RARB: variants seen among roughly 807,000 people sequenced by gnomAD.
The protein encoded by RARB is HBV-activated protein.
Under a neutral mutation model 51.9 loss-of-function variants are expected in RARB, and 17 were observed. That is an observed-to-expected ratio of 0.33 (90% CI 0.22 to 0.49). The LOEUF is 0.49. RARB is among the 20% of genes least tolerant of loss of function. The probability of loss-of-function intolerance (pLI) is 0.99; values close to 1 mark genes in which losing one functional copy is unlikely to be tolerated. For missense variants in RARB, 369 were observed against 550.8 expected (o/e 0.67, Z 3.30); for synonymous variants, 215 against 195.4 (o/e 1.10, Z -0.84).
At chr3:24,870,930 G>A (rs561211681) in intron 2 of RARB, among the ~76,000 whole-genome samples, 15 of 151,896 alleles carry the variant, frequency 9.9e-5, no homozygotes, top group Admixed American at 2.0e-4. Context: ...TATACAGTAC[G>A]TTATTGTTGA....
In RARB at chr3:25,597,551, T is replaced by C. The variant is rs1701902051; in HGVS notation, c.*935T>C. The C allele has an allele frequency of 6.6e-6, 1 of 152,636 alleles. No individual in the cohort carries two copies. Among genetic ancestry groups the C allele is most frequent in the African/African-American group, 2.4e-5 (1 of 41,434 alleles). The allele number at this position is 152,636 out of a possible 1,614,324, so 9.5% of individuals were successfully genotyped here. On this transcript the variant is annotated 3_prime_UTR_variant, in exon 8 of 8. Transcript: ENST00000330688. ...GCAGGCTGGTCTACCACCTGGACCA[T>C]GTAACTCTAGTGTCCTTCCTGATTC...
intron 2 of RARB, among the ~76,000 whole-genome samples, chr3:24,985,900 G>A (rs924088923): frequency 1.8e-4 from 28 of 152,302 alleles, no homozygotes; most frequent in African/African-American, 6.5e-4. Context: ...CGAACAGAAA[G>A]GACAGGACAG....
intron 5 of RARB, among the ~76,000 whole-genome samples, chr3:25,382,856 T>G (rs1706670846): frequency 6.6e-6 from 1 of 151,320 alleles, no homozygotes; most frequent in Non-Finnish European, 1.5e-5. Flanking sequence ...AGACTCCATC[T>G]CAAACAAATA....
intron 4 of RARB, among the ~76,000 whole-genome samples, chr3:25,134,290 G>C (rs80141288): frequency 0.087 from 13,277 of 151,938 alleles, 744 homozygotes; most frequent in Non-Finnish European, 0.13. Flanking sequence ...CAAAAATTCA[G>C]AAGTTCTTAA....
intron 3 of RARB, among the ~76,000 whole-genome samples, chr3:25,074,671 A>G (rs1698835018): frequency 6.6e-6 from 1 of 152,142 alleles, no homozygotes; most frequent in Non-Finnish European, 1.5e-5. Context: ...GAAGAGATGT[A>G]TATCAAAGAC....
At chr3:25,127,475 C>T (rs1008308830) in intron 3 of RARB, among the ~76,000 whole-genome samples, 13 of 152,176 alleles carry the variant, frequency 8.5e-5, no homozygotes, top group Non-Finnish European at 1.5e-4. Flanking sequence ...CCCAATTTTT[C>T]CGTATTTCAT....
At chr3:25,525,127 A>T (rs1698591253) in intron 3 of RARB, among the ~76,000 whole-genome samples, 1 of 152,252 alleles carries the variant, frequency 6.6e-6, no homozygotes, top group South Asian at 2.1e-4. Context: ...ATAACATTAT[A>T]AAGTGTTCTG....
At chr3:25,405,032 A>G (rs1707369292) in intron 5 of RARB, among the ~76,000 whole-genome samples, 1 of 152,132 alleles carries the variant, frequency 6.6e-6, no homozygotes, top group East Asian at 1.9e-4. Context: ...CACCAGGCTA[A>G]CTATAGATCT....
At chr3:25,188,000 C>G (rs930782626) in intron 5 of RARB, among the ~76,000 whole-genome samples, 1 of 151,674 alleles carries the variant, frequency 6.6e-6, no homozygotes, top group African/African-American at 2.4e-5. Context: ...TTTAAAATGT[C>G]GATGGAGAAA....
At chr3:25,320,005 G>T (rs1411009246) in intron 5 of RARB, among the ~76,000 whole-genome samples, 1 of 148,216 alleles carries the variant, frequency 6.7e-6, no homozygotes, top group Non-Finnish European at 1.5e-5. Context: ...TCTCTGTAAT[G>T]AACTAAAAAA....
intron 2 of RARB, among the ~76,000 whole-genome samples, chr3:25,047,267 T>A (rs1276735451): frequency 6.6e-6 from 1 of 152,160 alleles, no homozygotes; most frequent in East Asian, 1.9e-4. Context: ...GTGACTCATA[T>A]TAGTCAGCTG....
At chr3:24,947,179 A>C (rs1027874203) in intron 2 of RARB, among the ~76,000 whole-genome samples, 6 of 152,166 alleles carry the variant, frequency 3.9e-5, no homozygotes, top group African/African-American at 7.2e-5. Context: ...TATAGAGTAC[A>C]TTCTCCCACA....
chr3:25,390,381 A>T (rs992019570), intron 5 of RARB, among the ~76,000 whole-genome samples: 1 of 152,144 alleles, frequency 6.6e-6, no homozygotes, highest in African/African-American at 2.4e-5. Context: ...CTCACCGGAC[A>T]CTGGATCTGC....
chr3:25,254,058 A>G (rs554734836), intron 5 of RARB, among the ~76,000 whole-genome samples: 2 of 152,338 alleles, frequency 1.3e-5, no homozygotes, highest in South Asian at 4.1e-4. Context: ...AGATTGAAAA[A>G]TCAACCCATA....
chr3:25,090,534 C>T (rs903315795), intron 3 of RARB, among the ~76,000 whole-genome samples: 3 of 152,114 alleles, frequency 2.0e-5, no homozygotes, highest in African/African-American at 7.2e-5. Context: ...ATTCTGAACA[C>T]TTTCCATTGA....
intron 5 of RARB, among the ~76,000 whole-genome samples, chr3:25,401,692 G>A (rs1028192678): frequency 6.6e-6 from 1 of 152,172 alleles, no homozygotes; most frequent in Admixed American, 6.5e-5. Context: ...TGTAAGATAG[G>A]TCAGGAGAAA....
intron 4 of RARB, among the ~76,000 whole-genome samples, chr3:25,166,466 T>A (rs1700563107): frequency 6.6e-6 from 1 of 152,036 alleles, no homozygotes; most frequent in Non-Finnish European, 1.5e-5. Flanking sequence ...TAAAATACAT[T>A]GGGAAAAAAA....
chr3:24,951,133 C>G (rs528179433), intron 2 of RARB, among the ~76,000 whole-genome samples: 2 of 152,092 alleles, frequency 1.3e-5, no homozygotes, highest in African/African-American at 4.8e-5. Flanking sequence ...GGGAGAGAAG[C>G]TTATCCTACA....
chr3:25,331,372 C>T (rs1166312094), intron 5 of RARB, among the ~76,000 whole-genome samples: 2 of 152,200 alleles, frequency 1.3e-5, no homozygotes, highest in Admixed American at 1.3e-4. Context: ...TTAAGAAACT[C>T]ACTCAGAACA....
Sources: gnomAD v4.1 joint callset for allele counts (sites outside exome capture counted in the v4.1 genomes callset) on GRCh38, gnomAD v4.1.1 for gene constraint, MANE v1.5 for transcripts, NCBI Gene and HGNC (gene_info 2026-07-23, HGNC 2026-07-21) for gene names.